The following CREB5 variants were observed in gnomAD, a reference collection of about 807,000 sequenced individuals.
CREB5 encodes cyclic AMP-responsive element-binding protein 5.
Under a neutral mutation model 57.1 loss-of-function variants are expected in CREB5, and 19 were observed. That is an observed-to-expected ratio of 0.33 (90% CI 0.23 to 0.49). The LOEUF (loss-of-function observed/expected upper bound fraction) is 0.49. Ranked by LOEUF, CREB5 falls within the 20% of genes least tolerant of loss-of-function variation. CREB5 has a pLI of 0.99. For synonymous variants in CREB5, 238 were observed against 238.3 expected (o/e 1.00, Z 0.01); for missense variants, 579 against 671.6 (o/e 0.86, Z 1.52).
At chr7:28,546,701 C>G (rs1794437136) in intron 4 of CREB5, among the ~76,000 whole-genome samples, 1 of 152,188 alleles carries the variant, frequency 6.6e-6, no homozygotes, top group Non-Finnish European at 1.5e-5. Flanking sequence ...AATTTTAGGA[C>G]TATTTTTATG....
At chr7:28,762,092 T>C (rs1805692903) in intron 7 of CREB5, among the ~76,000 whole-genome samples, 1 of 152,184 alleles carries the variant, frequency 6.6e-6, no homozygotes, top group Admixed American at 6.6e-5. Flanking sequence ...GAAAGCTTTA[T>C]ATATTTTCCC....
intron 7 of CREB5, among the ~76,000 whole-genome samples, chr7:28,737,579 ATATATAT>A (rs1235808638): frequency 2.6e-4 from 7 of 26,626 alleles, no homozygotes; most frequent in East Asian, 2.4e-3. Flanking sequence ...ATATATATAT[ATATATAT>A]ATTTTTAACT....
chr7:28,570,983 G>A (rs62449924), intron 5 of CREB5, among the ~76,000 whole-genome samples: 8,711 of 152,052 alleles, frequency 0.057, 349 homozygotes, highest in Middle Eastern at 0.13. Context: ...CTCCCTGTCC[G>A]TGAGAGATAA....
At chr7:28,702,631 A>G (rs1801920004) in intron 5 of CREB5, among the ~76,000 whole-genome samples, 3 of 152,218 alleles carry the variant, frequency 2.0e-5, no homozygotes, top group Admixed American at 2.0e-4. Context: ...GAATGATTTT[A>G]CCCAAATGCA....
intron 1 of CREB5, among the ~76,000 whole-genome samples, chr7:28,354,124 G>T (rs1583703840): frequency 6.6e-6 from 1 of 152,276 alleles, no homozygotes; most frequent in Non-Finnish European, 1.5e-5. Flanking sequence ...TACTACTAAG[G>T]AGTGCTTGCA....
At chr7:28,706,386 G>A (rs1802107958) in intron 5 of CREB5, among the ~76,000 whole-genome samples, 1 of 151,962 alleles carries the variant, frequency 6.6e-6, no homozygotes, top group South Asian at 2.1e-4. Flanking sequence ...TAGCACTTTT[G>A]CCCTTTAGGA....
chr7:28,359,690 C>T (rs1786428577), intron 1 of CREB5, among the ~76,000 whole-genome samples: 1 of 152,086 alleles, frequency 6.6e-6, no homozygotes, highest in Non-Finnish European at 1.5e-5. Flanking sequence ...ACCTCAAAAG[C>T]TCAGGCAATG....
intron 1 of CREB5, among the ~76,000 whole-genome samples, chr7:28,325,508 C>T (rs1261152826): frequency 6.6e-6 from 1 of 152,120 alleles, no homozygotes; most frequent in Non-Finnish European, 1.5e-5. Flanking sequence ...CCGAAGGCTT[C>T]CCTTGATGCT....
intron 1 of CREB5, among the ~76,000 whole-genome samples, chr7:28,385,062 G>T (rs1404704571): frequency 6.6e-6 from 1 of 151,978 alleles, no homozygotes; most frequent in Middle Eastern, 3.2e-3. Context: ...TTTATTACGT[G>T]CATCTGTATT....
intron 1 of CREB5, among the ~76,000 whole-genome samples, chr7:28,399,582 A>G (rs879587635): frequency 3.9e-5 from 6 of 152,208 alleles, no homozygotes; most frequent in Admixed American, 3.9e-4. Flanking sequence ...CTGGCTAACC[A>G]TATGCAGAAG....
intron 7 of CREB5, among the ~76,000 whole-genome samples, chr7:28,771,946 A>C (rs1304945371): frequency 1.3e-5 from 2 of 152,000 alleles, no homozygotes; most frequent in Non-Finnish European, 2.9e-5. Context: ...TTGAGTCTCT[A>C]TTTTCCCTTG....
chr7:28,712,808 A>T (rs1290688337), intron 5 of CREB5, among the ~76,000 whole-genome samples: 1 of 152,044 alleles, frequency 6.6e-6, no homozygotes, highest in Non-Finnish European at 1.5e-5. Flanking sequence ...TGCTGGGATT[A>T]TAGGTGTGAA....
intron 5 of CREB5, among the ~76,000 whole-genome samples, chr7:28,716,955 G>A (rs968000332): frequency 4.6e-5 from 7 of 152,122 alleles, no homozygotes; most frequent in African/African-American, 1.4e-4. Flanking sequence ...CTGCTTATCC[G>A]AAAGCACTCA....
intron 5 of CREB5, among the ~76,000 whole-genome samples, chr7:28,597,057 A>G (rs1382454909): frequency 6.6e-6 from 1 of 152,200 alleles, no homozygotes; most frequent in Non-Finnish European, 1.5e-5. Context: ...GTTAATGGAT[A>G]GTTAAACCTT....
chr7:28,809,141 A>C, intron 8 of CREB5, 46 bp from the exon 9 acceptor site: 1 of 1,531,688 alleles, frequency 6.5e-7, no homozygotes, highest in Non-Finnish European at 8.8e-7. Context: ...TTACCTAACC[A>C]CGTCCTTCCC....
rs1441124546 is a variant in CREB5 at position 28,570,517 on chromosome 7, T to G, written c.444T>G (p.Pro148=). The G allele has an allele frequency of 1.9e-6, 3 of 1,613,778 alleles. No individual in the cohort carries two copies. The Admixed American group carries it at 5.0e-5, about 27-fold the overall frequency. ...CCAGCTCTGTCATCACTCAGGCACC[T>G]TCCACCAACCGCCAGATCGGGTAAG... ...PQSSSVITQA[P]STNRQIGPVP... Residue 148 remains proline, a synonymous_variant, in exon 5 of 11, where the codon CCT becomes CCG. Coordinates refer to ENST00000357727, the MANE Select transcript of CREB5 (RefSeq NM_182898.4).
At chr7:28,435,204 C>A (rs1456953580) in intron 1 of CREB5, among the ~76,000 whole-genome samples, 1 of 150,040 alleles carries the variant, frequency 6.7e-6, no homozygotes, top group Non-Finnish European at 1.5e-5. Context: ...CGAAATGATA[C>A]CTTCTGTAAT....
At chr7:28,808,741 T>G (rs1020811853) in intron 8 of CREB5, among the ~76,000 whole-genome samples, 2 of 132,168 alleles carry the variant, frequency 1.5e-5, no homozygotes, top group Non-Finnish European at 3.3e-5. Context: ...TTTTTTTTTT[T>G]GTAGAGACAG....
chr7:28,560,887 C>CGTGTGCGTGTGCGT (rs1795145307), intron 4 of CREB5, among the ~76,000 whole-genome samples: 1 of 13,120 alleles, frequency 7.6e-5, no homozygotes, highest in Non-Finnish European at 1.3e-4. Context: ...TGCGTGCGTG[C>CGTGTGCGTGTGCGT]GTGTGTGTGC....
Sources: allele counts gnomAD v4.1 joint callset (sites outside exome capture counted in the v4.1 genomes callset), GRCh38; gene constraint gnomAD v4.1.1; transcripts MANE v1.5; gene names NCBI Gene and HGNC (gene_info 2026-07-23, HGNC 2026-07-21).